LRRTM4: variants seen among roughly 807,000 people sequenced by gnomAD.
LRRTM4 encodes the protein leucine-rich repeat transmembrane neuronal protein 4.
Under a neutral mutation model 47.6 loss-of-function variants are expected in LRRTM4, and 25 were observed. The observed-to-expected ratio is 0.53, with a 90% CI of 0.38 to 0.73. The LOEUF is 0.73. LRRTM4 is among the 30% of genes least tolerant of loss of function. LRRTM4 has a pLI of 0.00. For missense variants in LRRTM4, 638 were observed against 713.4 expected (o/e 0.89, Z 1.20); for synonymous variants, 311 against 269.5 (o/e 1.15, Z -1.51).
chr2:77,249,140 G>A (rs755616507), intron 3 of LRRTM4, among the ~76,000 whole-genome samples: 2 of 151,794 alleles, frequency 1.3e-5, no homozygotes, highest in South Asian at 4.2e-4. Flanking sequence ...ACCTGAGGTT[G>A]GTAGTTTGAG....
intron 3 of LRRTM4, among the ~76,000 whole-genome samples, chr2:77,049,531 T>C (rs1679356595): frequency 6.6e-6 from 1 of 152,024 alleles, no homozygotes. Context: ...GATTGGTATT[T>C]CTCTGATGAT....
At chr2:77,381,293 C>T (rs922160330) in intron 3 of LRRTM4, among the ~76,000 whole-genome samples, 1 of 151,892 alleles carries the variant, frequency 6.6e-6, no homozygotes, top group Non-Finnish European at 1.5e-5. Flanking sequence ...ATGGGCTTTC[C>T]ACAAATGTTA....
At chr2:76,787,715 G>A (rs1674753299) in intron 3 of LRRTM4, among the ~76,000 whole-genome samples, 1 of 151,882 alleles carries the variant, frequency 6.6e-6, no homozygotes, top group African/African-American at 2.4e-5. Flanking sequence ...TTATCCCATG[G>A]GACTTGTTTT....
At chr2:77,177,293 G>A (rs1202372456) in intron 3 of LRRTM4, among the ~76,000 whole-genome samples, 5 of 152,094 alleles carry the variant, frequency 3.3e-5, no homozygotes, top group Non-Finnish European at 5.9e-5. Context: ...TGTGACACTC[G>A]CAAGCCATAG....
At chr2:77,267,848 A>AAT (rs1354230544) in intron 3 of LRRTM4, among the ~76,000 whole-genome samples, 1 of 143,550 alleles carries the variant, frequency 7.0e-6, no homozygotes, top group Non-Finnish European at 1.5e-5. Flanking sequence ...GTGCTGGTGA[A>AAT]ATGTCAGAGC....
At chr2:76,875,975 C>G (rs796293597) in intron 3 of LRRTM4, among the ~76,000 whole-genome samples, 54 of 152,108 alleles carry the variant, frequency 3.6e-4, no homozygotes, top group African/African-American at 1.2e-3. Context: ...CTTGGGATAC[C>G]AGTTATGGGA....
chr2:77,518,277 C>G, intron 3 of LRRTM4, 41 bp downstream of exon 3: 1 of 1,513,572 alleles, frequency 6.6e-7, no homozygotes. Flanking sequence ...ACCTCTCCTT[C>G]CCCGCAGTAG....
chr2:76,813,772 T>C (rs960641175), intron 3 of LRRTM4, among the ~76,000 whole-genome samples: 1 of 152,096 alleles, frequency 6.6e-6, no homozygotes, highest in Non-Finnish European at 1.5e-5. Context: ...TTAAGAATAG[T>C]TTTAGATTCA....
At chr2:77,065,228 C>T (rs1336429210) in intron 3 of LRRTM4, among the ~76,000 whole-genome samples, 1 of 152,116 alleles carries the variant, frequency 6.6e-6, no homozygotes, top group African/African-American at 2.4e-5. Flanking sequence ...AGGCAAAACT[C>T]CTTTTCCACT....
At chr2:77,226,418 C>A (rs1237689955) in intron 3 of LRRTM4, among the ~76,000 whole-genome samples, 2 of 151,530 alleles carry the variant, frequency 1.3e-5, no homozygotes, top group African/African-American at 4.8e-5. Context: ...ATATAAAGGT[C>A]CTTTTATGTT....
intron 3 of LRRTM4, among the ~76,000 whole-genome samples, chr2:76,968,980 T>C (rs1486275286): frequency 6.6e-6 from 1 of 151,884 alleles, no homozygotes; most frequent in East Asian, 1.9e-4. Context: ...AATTGCAAAA[T>C]AAAGAGACCG....
intron 3 of LRRTM4, among the ~76,000 whole-genome samples, chr2:77,480,046 G>A (rs1220938419): frequency 1.3e-5 from 2 of 152,106 alleles, no homozygotes; most frequent in Non-Finnish European, 2.9e-5. Context: ...ATCTAGAGGA[G>A]GAAGGTGAAC....
At chr2:77,377,048 TATC>T (rs1452986847) in intron 3 of LRRTM4, among the ~76,000 whole-genome samples, 2 of 152,118 alleles carry the variant, frequency 1.3e-5, no homozygotes, top group African/African-American at 4.8e-5. Flanking sequence ...GATGATATAA[TATC>T]ATGTTATTTA....
intron 3 of LRRTM4, among the ~76,000 whole-genome samples, chr2:77,290,894 ATG>A (rs1477325573): frequency 1.3e-5 from 2 of 151,994 alleles, no homozygotes; most frequent in Admixed American, 1.3e-4. Context: ...GCTCCCTGAT[ATG>A]TTGTTCATGC....
chr2:76,922,454 G>C (rs1160956509), intron 3 of LRRTM4, among the ~76,000 whole-genome samples: 1 of 152,014 alleles, frequency 6.6e-6, no homozygotes, highest in East Asian at 1.9e-4. Context: ...AGAATAGCAA[G>C]CCTCCATGAT....
At chr2:77,083,407 T>TGC (rs1304954596) in intron 3 of LRRTM4, among the ~76,000 whole-genome samples, 2 of 152,120 alleles carry the variant, frequency 1.3e-5, no homozygotes, top group African/African-American at 4.8e-5. Context: ...ACATAAGATG[T>TGC]GCCATAGACT....
chr2:77,208,687 T>C (rs1297819009), intron 3 of LRRTM4, among the ~76,000 whole-genome samples: 3 of 152,144 alleles, frequency 2.0e-5, no homozygotes, highest in Non-Finnish European at 4.4e-5. Flanking sequence ...GGAAAATGAC[T>C]GCTTGAGATT....
intron 3 of LRRTM4, among the ~76,000 whole-genome samples, chr2:76,820,648 T>C (rs1194528298): frequency 6.6e-6 from 1 of 151,730 alleles, no homozygotes; most frequent in African/African-American, 2.4e-5. Context: ...GTTTTGCCTA[T>C]AGAGAATTAC....
At chr2:76,938,970 A>T (rs900821054) in intron 3 of LRRTM4, among the ~76,000 whole-genome samples, 2 of 152,082 alleles carry the variant, frequency 1.3e-5, no homozygotes, top group African/African-American at 4.8e-5. Context: ...TTTTTTCATC[A>T]TAATTCTGTG....
Sources: allele counts gnomAD v4.1 joint callset (sites outside exome capture counted in the v4.1 genomes callset), GRCh38; gene constraint gnomAD v4.1.1; transcripts MANE v1.5; gene names NCBI Gene and HGNC (gene_info 2026-07-23, HGNC 2026-07-21).